The following CCDC171 variants were observed in gnomAD, a reference collection of about 807,000 sequenced individuals.
CCDC171 encodes coiled-coil domain-containing protein 171.
Under a neutral mutation model 168.2 loss-of-function variants are expected in CCDC171, and 177 were observed. The ratio of observed to expected loss-of-function variants is 1.05; its 90% CI spans 0.93 to 1.19. The LOEUF (loss-of-function observed/expected upper bound fraction) is 1.19, where lower values mean the gene tolerates loss of function less well. Ranked by LOEUF, CCDC171 falls within the 50% of genes most tolerant of loss-of-function variation. The pLI, the probability that CCDC171 is intolerant of heterozygous loss-of-function variation, is 0.00. For missense variants in CCDC171, 1,991 were observed against 1,539.0 expected (o/e 1.29, Z -4.91); for synonymous variants, 687 against 540.8 (o/e 1.27, Z -3.75).
intron 25 of CCDC171, among the ~76,000 whole-genome samples, chr9:15,964,782 C>T (rs1830642592): frequency 6.6e-6 from 1 of 152,006 alleles, no homozygotes; most frequent in African/African-American, 2.4e-5. Flanking sequence ...TTTTTTGAGA[C>T]AGAGTCTCAC....
intron 21 of CCDC171, among the ~76,000 whole-genome samples, chr9:15,834,326 A>G (rs2060351177): frequency 6.6e-6 from 1 of 152,190 alleles, no homozygotes; most frequent in East Asian, 1.9e-4. Context: ...TTCTAGCATG[A>G]TTAAGTGGCA....
intron 11 of CCDC171, 115 bp from the exon 12 acceptor site, chr9:15,721,654 T>C (rs537634300): frequency 2.6e-5 from 11 of 419,712 alleles, no homozygotes; most frequent in African/African-American, 1.6e-4. Context: ...CAAGTATTAA[T>C]AGTTTCATAA....
chr9:15,991,642 G>A (rs771300008), intron 3 of CCDC171, among the ~76,000 whole-genome samples: 1 of 151,986 alleles, frequency 6.6e-6, no homozygotes. Flanking sequence ...AATCCAGGAG[G>A]TGGTTTTTTG....
intron 25 of CCDC171, chr9:15,922,163 C>T: frequency 2.4e-6 from 1 of 411,636 alleles, no homozygotes; most frequent in Non-Finnish European, 5.0e-6. Flanking sequence ...AGTGATTCTT[C>T]ATCTATAGAA....
At chr9:15,760,403 G>A (rs535063804) in intron 18 of CCDC171, among the ~76,000 whole-genome samples, 69 of 152,160 alleles carry the variant, frequency 4.5e-4, no homozygotes, top group African/African-American at 1.3e-3. Flanking sequence ...ACTGTAAAAC[G>A]TGTTGGATAT....
chr9:15,742,544 C>G (rs1247822741), intron 16 of CCDC171, among the ~76,000 whole-genome samples: 1 of 152,214 alleles, frequency 6.6e-6, no homozygotes, highest in African/African-American at 2.4e-5. Flanking sequence ...CATCCTCTTG[C>G]AAGCAGTCTG....
intron 10 of CCDC171, among the ~76,000 whole-genome samples, chr9:15,691,248 C>A (rs990443757): frequency 4.0e-5 from 6 of 151,538 alleles, no homozygotes; most frequent in Non-Finnish European, 8.8e-5. Flanking sequence ...TACATCTGAC[C>A]AATGGAGTAC....
chr9:15,675,287 C>G (rs946857513), intron 9 of CCDC171, among the ~76,000 whole-genome samples: 1 of 143,528 alleles, frequency 7.0e-6, no homozygotes, highest in Middle Eastern at 3.9e-3. Context: ...AGATGGGTCT[C>G]CTGTATACAG....
intron 21 of CCDC171, among the ~76,000 whole-genome samples, chr9:15,790,309 C>G (rs959409740): frequency 6.6e-6 from 1 of 152,192 alleles, no homozygotes; most frequent in Non-Finnish European, 1.5e-5. Flanking sequence ...GAAATGGTAT[C>G]TCACTGTGGT....
chr9:15,693,135 T>TCAAAA lies in CCDC171; in HGVS notation c.1216-2082_1216-2078dup, dbSNP rs1056649713. 3.3e-4 allele frequency among the ~76,000 whole-genome samples: 50 copies of TCAAAA among 152,072 alleles called. 1 individual carries two copies. The highest frequency in any genetic ancestry group is 6.5e-4 in the Admixed American group (10 of 15,296). Reference sequence around the variant, plus strand: ...CTGGATGACAGAGCGAGACTCTGTCTCAAAACAAAACAAAACAAAACACCA... The same window carrying TCAAAA: ...CTGGATGACAGAGCGAGACTCTGTCTCAAAACAAAACAAAACAAAACAAAACACCA... On this transcript the variant is annotated intron_variant, in intron 10 of 25. Coordinates refer to ENST00000380701, the MANE Select transcript of CCDC171 (RefSeq NM_173550.4).
At chr9:15,778,845 T>A in intron 19 of CCDC171, 123 bp from the exon 20 acceptor site, 5 of 642,482 alleles carry the variant, frequency 7.8e-6, no homozygotes, top group Non-Finnish European at 1.1e-5. Context: ...ACCTCTACAT[T>A]TCTGTAATAG....
At chr9:16,013,330 C>T (rs983479162) in intron 3 of CCDC171, among the ~76,000 whole-genome samples, 6 of 152,144 alleles carry the variant, frequency 3.9e-5, no homozygotes, top group African/African-American at 1.4e-4. Flanking sequence ...AGCTTTCTGC[C>T]TCTCATCTCT....
intron 10 of CCDC171, among the ~76,000 whole-genome samples, chr9:15,693,172 G>T (rs756704045): frequency 1.3e-5 from 2 of 149,078 alleles, no homozygotes; most frequent in African/African-American, 5.0e-5. Flanking sequence ...AAAAACAGAT[G>T]CTGTGTAGAA....
chr9:15,908,613 C>A (rs977459272), intron 24 of CCDC171, among the ~76,000 whole-genome samples: 3 of 152,108 alleles, frequency 2.0e-5, no homozygotes, highest in Non-Finnish European at 2.9e-5. Context: ...TATGAACTAA[C>A]CTGCACGTTG....
chr9:15,659,834 G>T (rs987991372), intron 8 of CCDC171, among the ~76,000 whole-genome samples: 1 of 152,054 alleles, frequency 6.6e-6, no homozygotes, highest in African/African-American at 2.4e-5. Flanking sequence ...CTTGATTTAG[G>T]TGTTTATTAT....
intron 21 of CCDC171, chr9:15,845,570 G>A (rs2060860650): frequency 6.6e-6 from 1 of 151,824 alleles, no homozygotes; most frequent in Non-Finnish European, 1.5e-5. Flanking sequence ...CATTGTGAAT[G>A]CACTAAAAGA....
At chr9:15,698,584 A>G (rs2133829951) in intron 11 of CCDC171, among the ~76,000 whole-genome samples, 1 of 151,722 alleles carries the variant, frequency 6.6e-6, no homozygotes, top group East Asian at 1.9e-4. Flanking sequence ...TATTTAACTT[A>G]ACATAATGAC....
intron 1 of CCDC171, among the ~76,000 whole-genome samples, chr9:16,049,383 T>C (rs985366000): frequency 3.3e-5 from 5 of 152,180 alleles, no homozygotes; most frequent in African/African-American, 1.2e-4. Context: ...TCTGTGAGGA[T>C]GTTTCCAGAG....
chr9:15,894,504 C>T (rs1012632191), intron 24 of CCDC171, among the ~76,000 whole-genome samples: 1 of 152,040 alleles, frequency 6.6e-6, no homozygotes, highest in East Asian at 1.9e-4. Context: ...CTTCCCATCA[C>T]CCTTAAAATG....
Sources: gnomAD v4.1 joint callset for allele counts (sites outside exome capture counted in the v4.1 genomes callset) on GRCh38, gnomAD v4.1.1 for gene constraint, MANE v1.5 for transcripts, NCBI Gene and HGNC (gene_info 2026-07-23, HGNC 2026-07-21) for gene names.